EYS: variants seen among roughly 807,000 people sequenced by gnomAD.
The protein encoded by EYS is EGF-like photoreceptor maintenance factor.
Under a neutral mutation model 282.1 loss-of-function variants are expected in EYS, and 250 were observed. The observed-to-expected ratio is 0.89, with a 90% CI of 0.80 to 0.98. The LOEUF (loss-of-function observed/expected upper bound fraction) is 0.98. EYS is among the 50% of genes least tolerant of loss of function. The pLI is 0.00. For synonymous variants in EYS, 1,355 were observed against 1,282.9 expected (o/e 1.06, Z -1.20); for missense variants, 4,016 against 3,709.0 (o/e 1.08, Z -2.15).
intron 19 of EYS, among the ~76,000 whole-genome samples, chr6:64,841,863 C>A (rs1225271997): frequency 6.6e-6 from 1 of 152,126 alleles, no homozygotes; most frequent in African/African-American, 2.4e-5. Context: ...TGTCAAACAC[C>A]TTTTACAAAA....
chr6:65,143,010 G>A (rs1561988138), intron 12 of EYS, among the ~76,000 whole-genome samples: 1 of 151,868 alleles, frequency 6.6e-6, no homozygotes, highest in Non-Finnish European at 1.5e-5. Flanking sequence ...ACATACACCT[G>A]TCCAGAAATT....
intron 12 of EYS, among the ~76,000 whole-genome samples, chr6:65,143,056 T>C (rs1203645578): frequency 6.6e-6 from 1 of 152,000 alleles, no homozygotes; most frequent in Non-Finnish European, 1.5e-5. Context: ...GGGAAAAATG[T>C]ATGTTTATGA....
chr6:64,205,713 C>A (rs1031076589), intron 31 of EYS, among the ~76,000 whole-genome samples: 3 of 151,696 alleles, frequency 2.0e-5, no homozygotes, highest in African/African-American at 7.3e-5. Flanking sequence ...TTACAGGCAC[C>A]CCTTGATGGT....
chr6:65,372,630 T>C (rs893405643), intron 8 of EYS, among the ~76,000 whole-genome samples: 11 of 152,072 alleles, frequency 7.2e-5, no homozygotes, highest in African/African-American at 2.7e-4. Flanking sequence ...ACACTCTCAA[T>C]TGTAAAGCAA....
intron 12 of EYS, among the ~76,000 whole-genome samples, chr6:65,243,651 T>A (rs1168288672): frequency 6.6e-6 from 1 of 152,200 alleles, no homozygotes; most frequent in Non-Finnish European, 1.5e-5. Flanking sequence ...AAATTTATGT[T>A]CCTCTGGTGA....
chr6:65,456,448 C>CA (rs5876965), intron 5 of EYS, among the ~76,000 whole-genome samples: 28,334 of 129,770 alleles, frequency 0.22, 3,216 homozygotes, highest in Middle Eastern at 0.34. Context: ...GACTCTGTCT[C>CA]AAAAAAAAAA....
At chr6:64,608,620 AAC>A (rs1185249874) in intron 24 of EYS, among the ~76,000 whole-genome samples, 1 of 152,198 alleles carries the variant, frequency 6.6e-6, no homozygotes, top group Non-Finnish European at 1.5e-5. Flanking sequence ...GAATATTGAT[AAC>A]AGCCTTATTC....
At chr6:65,514,161 C>A (rs1333349295) in intron 2 of EYS, among the ~76,000 whole-genome samples, 1 of 151,494 alleles carries the variant, frequency 6.6e-6, no homozygotes, top group Non-Finnish European at 1.5e-5. Context: ...ACAAACAGAG[C>A]CAAATCATGA....
At chr6:65,597,884 C>G (rs375160027) in intron 2 of EYS, among the ~76,000 whole-genome samples, 1 of 151,902 alleles carries the variant, frequency 6.6e-6, no homozygotes, top group East Asian at 1.9e-4. Context: ...GCAGATCACT[C>G]GAGCTCAGTA....
intron 29 of EYS, among the ~76,000 whole-genome samples, chr6:64,320,558 T>A (rs1420076107): frequency 6.6e-6 from 1 of 151,856 alleles, no homozygotes; most frequent in East Asian, 1.9e-4. Flanking sequence ...TATACTAGAT[T>A]CTTATTTTTT....
At chr6:64,348,144 C>T (rs569939557) in intron 29 of EYS, among the ~76,000 whole-genome samples, 103 of 151,428 alleles carry the variant, frequency 6.8e-4, no homozygotes, top group African/African-American at 2.5e-3. Flanking sequence ...ATACTAATAG[C>T]AATAATTTTA....
chr6:63,880,641 A>G (rs1451780234), intron 35 of EYS, among the ~76,000 whole-genome samples: 4 of 152,224 alleles, frequency 2.6e-5, no homozygotes. Context: ...TTCCTGAAGA[A>G]GGAACTACTG....
intron 22 of EYS, among the ~76,000 whole-genome samples, chr6:64,688,045 G>T (rs1292273698): frequency 1.3e-5 from 2 of 151,970 alleles, no homozygotes; most frequent in African/African-American, 4.8e-5. Flanking sequence ...ATGGTAGTTT[G>T]TATCTCTGTG....
At chr6:64,937,288 A>G (rs1284241208) in intron 15 of EYS, among the ~76,000 whole-genome samples, 1 of 151,576 alleles carries the variant, frequency 6.6e-6, no homozygotes, top group African/African-American at 2.4e-5. Flanking sequence ...GCAAAAGAAA[A>G]TGAGTCAATT....
chr6:65,084,526 T>C (rs1043956737), intron 12 of EYS, among the ~76,000 whole-genome samples: 1 of 152,114 alleles, frequency 6.6e-6, no homozygotes, highest in Non-Finnish European at 1.5e-5. Context: ...AAAAATAATA[T>C]CTGCCCTAGA....
At chr6:65,057,321 G>C (rs182277854) in intron 13 of EYS, among the ~76,000 whole-genome samples, 1 of 152,118 alleles carries the variant, frequency 6.6e-6, no homozygotes, top group East Asian at 1.9e-4. Context: ...AATATAACAT[G>C]CTAGGCTGGT....
intron 12 of EYS, among the ~76,000 whole-genome samples, chr6:65,120,312 C>G (rs1194322524): frequency 6.6e-6 from 1 of 151,660 alleles, no homozygotes; most frequent in Non-Finnish European, 1.5e-5. Flanking sequence ...TAAAACAACA[C>G]CTTTTTTTAA....
chr6:63,886,711 G>C (rs1235092512), intron 35 of EYS, among the ~76,000 whole-genome samples: 2 of 152,006 alleles, frequency 1.3e-5, no homozygotes, highest in Non-Finnish European at 2.9e-5. Context: ...TACCTTCACT[G>C]TGCCTATCAC....
At chr6:63,822,751 G>C (rs1771357840) in intron 36 of EYS, 1 of 151,972 alleles carries the variant, frequency 6.6e-6, no homozygotes, top group South Asian at 2.1e-4. Context: ...TTATCTCATT[G>C]CATTTGCTTG....
Sources: gnomAD v4.1 joint callset for allele counts (sites outside exome capture counted in the v4.1 genomes callset) on GRCh38, gnomAD v4.1.1 for gene constraint, MANE v1.5 for transcripts, NCBI Gene and HGNC (gene_info 2026-07-23, HGNC 2026-07-21) for gene names.